Variants in VAV2 observed in about 807,000 individuals in gnomAD.
VAV2 encodes vav guanine nucleotide exchange factor 2.
VAV2 carries 67 observed loss-of-function variants against 132.5 expected under a neutral mutation model. The ratio of observed to expected loss-of-function variants is 0.51; its 90% confidence interval spans 0.42 to 0.62. The LOEUF is 0.62. Among genes scored for constraint, VAV2 ranks in the 20% least tolerant of loss-of-function variants. The pLI, the probability that VAV2 is intolerant of heterozygous loss-of-function variation, is 0.00. For synonymous variants in VAV2, 492 were observed against 443.5 expected (o/e 1.11, Z -1.37); for missense variants, 938 against 1,153.6 (o/e 0.81, Z 2.71).
intron 2 of VAV2, among the ~76,000 whole-genome samples, chr9:133,933,945 A>ATGG (rs56087569): frequency 0.86 from 106,997 of 125,078 alleles, 44,904 homozygotes; most frequent in East Asian, 0.92. Context: ...GGATGGATGG[A>ATGG]TGGATGGTGG....
At position 133,804,780 on chromosome 9, in the gene VAV2, G is replaced by A. The variant is rs992558853; in HGVS notation, c.836+1301C>T. ...CAGATGAAGGGAACACCTTGCTGAG[G>A]GCAGGTTAGGGAGCTGTCCTCCCCC... On this transcript the variant is annotated intron_variant, in intron 9 of 29. Coordinates refer to ENST00000371850, the MANE Select transcript of VAV2 (RefSeq NM_001134398.2). The surrounding 1 kb of genome is among the most constrained non-coding windows in gnomAD (Gnocchi z 4.5). Among the ~76,000 whole-genome samples, 1 of 152,168 alleles carries A rather than the reference G, an allele frequency of 6.6e-6. No homozygotes were observed. Among genetic ancestry groups the A allele is most frequent in the East Asian group, 1.9e-4 (1 of 5,196 alleles).
Position 133,769,894 on chromosome 9 carries a change from G to C in VAV2, c.2348-391C>G, listed in dbSNP as rs1309626121. On this transcript the variant is annotated intron_variant, in intron 27 of 29. Transcript: ENST00000371850. This position sits in a 1 kb window ranked among gnomAD's most constrained non-coding sequence, Gnocchi z 8.1. ...GGAGGACGTGGGGTGACTCTGGAGAGAGTCCTGAGCGGGAAGCCGCATGCT... is the reference window on the plus strand; with the variant it reads ...GGAGGACGTGGGGTGACTCTGGAGACAGTCCTGAGCGGGAAGCCGCATGCT... Among the ~76,000 whole-genome samples the C allele has an allele frequency of 6.6e-6, 1 of 152,222 alleles. No individual in the cohort carries two copies. Among genetic ancestry groups the C allele is most frequent in the Admixed American group, 6.5e-5 (1 of 15,290 alleles).
intron 1 of VAV2, among the ~76,000 whole-genome samples, chr9:133,984,514 G>C (rs1842791792): frequency 6.6e-6 from 1 of 152,138 alleles, no homozygotes; most frequent in Admixed American, 6.5e-5. Flanking sequence ...TTGGGAGGCT[G>C]TAGTGAAAGG....
At chr9:133,924,943 G>A (rs144160188) in intron 2 of VAV2, among the ~76,000 whole-genome samples, 66 of 152,366 alleles carry the variant, frequency 4.3e-4, no homozygotes, top group African/African-American at 1.5e-3. Context: ...GAAACTTCAC[G>A]CTCAGTGCAA....
intron 18 of VAV2, 56 bp downstream of exon 18, chr9:133,784,261 G>A: frequency 6.4e-7 from 1 of 1,563,342 alleles, no homozygotes; most frequent in East Asian, 2.2e-5. Context: ...AGCTCTCTCA[G>A]GGGCCTGGGC....
rs183661545 is a variant in VAV2, at chr9:133,780,325, G to C, written c.1740+369C>G. Reference sequence around the variant, plus strand: ...GGTTCATGTGGACCCCATAGCTCGAGGGGCACACGAAGCCCCTGGAAGTGA... The same window carrying C: ...GGTTCATGTGGACCCCATAGCTCGACGGGCACACGAAGCCCCTGGAAGTGA... On this transcript the variant is annotated intron_variant, in intron 20 of 29. Transcript: ENST00000371850. Among the ~76,000 whole-genome samples the C allele has an allele frequency of 1.7e-3, 264 of 152,280 alleles. 1 individual carries two copies. The highest frequency in any genetic ancestry group is 6.3e-3 in the African/African-American group (261 of 41,560).
At chr9:133,989,676 C>T (rs1248990696) in intron 1 of VAV2, among the ~76,000 whole-genome samples, 1 of 152,154 alleles carries the variant, frequency 6.6e-6, no homozygotes, top group Non-Finnish European at 1.5e-5. Flanking sequence ...CAGAGCAAGA[C>T]TCCATCTCCA....
intron 29 of VAV2, among the ~76,000 whole-genome samples, chr9:133,764,342 A>G (rs141492278): frequency 1.2e-3 from 183 of 152,282 alleles, no homozygotes; most frequent in Non-Finnish European, 2.0e-3. Context: ...GCTGCCAGTC[A>G]GAAAAAAAAT....
chr9:133,779,268 C>T (rs1833921300), intron 21 of VAV2, among the ~76,000 whole-genome samples: 1 of 152,210 alleles, frequency 6.6e-6, no homozygotes. Flanking sequence ...GGCCACAGAG[C>T]TCACAGAGGT....
chr9:133,972,840 C>T (rs939094102), intron 1 of VAV2, among the ~76,000 whole-genome samples: 2 of 151,644 alleles, frequency 1.3e-5, no homozygotes, highest in African/African-American at 4.9e-5. Flanking sequence ...GCAGGTGGCC[C>T]GAGATCTCAC....
At chr9:133,910,110 C>A (rs1371902662) in intron 2 of VAV2, among the ~76,000 whole-genome samples, 1 of 152,180 alleles carries the variant, frequency 6.6e-6, no homozygotes. Context: ...CAGCTTCCCC[C>A]ACCCCAGCCC....
At position 133,827,514 on chromosome 9, in the gene VAV2, T is replaced by C. The variant is rs868208861; in HGVS notation, c.449+6758A>G. Among the ~76,000 whole-genome samples the C allele has an allele frequency of 1.6e-3, 47 of 28,992 alleles. 8 individuals are homozygous for C. The highest frequency in any genetic ancestry group is 3.4e-3 in the African/African-American group (15 of 4,398). The allele number at this position is 28,992 out of a possible 152,430, so 19.0% of individuals were successfully genotyped here. A position where few individuals can be genotyped will look rare whatever the true frequency, so the allele number is the denominator to read the frequency against. ...GTGGGGGCATCGCCAGCTACTGCTGTGCCCACTGGGGCTGACCACTGAGCA... is the reference window on the plus strand; with the variant it reads ...GTGGGGGCATCGCCAGCTACTGCTGCGCCCACTGGGGCTGACCACTGAGCA... On this transcript the variant is annotated intron_variant, in intron 4 of 29. Transcript: ENST00000371850.
At chr9:133,781,575 C>T (rs765706036) in intron 19 of VAV2, among the ~76,000 whole-genome samples, 5 of 152,188 alleles carry the variant, frequency 3.3e-5, no homozygotes, top group South Asian at 4.1e-4. Context: ...AGCATCTCTC[C>T]GGGACATCTC....
At chr9:133,813,123 G>T (rs1440888144) in intron 4 of VAV2, among the ~76,000 whole-genome samples, 1 of 152,204 alleles carries the variant, frequency 6.6e-6, no homozygotes, top group African/African-American at 2.4e-5. Context: ...GCCCCGTTGG[G>T]GGCTCACTGC....
At chr9:133,861,236 G>T in intron 3 of VAV2, 138 bp downstream of exon 3, 2 of 908,890 alleles carry the variant, frequency 2.2e-6, no homozygotes, top group Non-Finnish European at 3.1e-6. Context: ...AACGGGTTAC[G>T]CGACAACACG....
chr9:133,844,539 T>TG (rs1262734791), intron 3 of VAV2, among the ~76,000 whole-genome samples: 3 of 152,250 alleles, frequency 2.0e-5, no homozygotes, highest in African/African-American at 7.2e-5. Flanking sequence ...CCCCAGTCCC[T>TG]GGCACGGCTG....
intron 1 of VAV2, among the ~76,000 whole-genome samples, chr9:133,973,723 T>C (rs572604764): frequency 6.6e-6 from 1 of 152,176 alleles, no homozygotes; most frequent in Non-Finnish European, 1.5e-5. Flanking sequence ...TCGCCCTTTG[T>C]CCCTGGGACA....
chr9:133,830,355 C>T (rs1223161228), intron 4 of VAV2, among the ~76,000 whole-genome samples: 1 of 152,120 alleles, frequency 6.6e-6, no homozygotes, highest in Non-Finnish European at 1.5e-5. Flanking sequence ...ACTGTAGTTC[C>T]CATAATCCCC....
intron 2 of VAV2, among the ~76,000 whole-genome samples, chr9:133,922,881 A>G (rs1840345535): frequency 6.6e-6 from 1 of 152,234 alleles, no homozygotes; most frequent in Non-Finnish European, 1.5e-5. Context: ...ACTTCTGCCC[A>G]GCAAAAGAAC....
Sources: gnomAD v4.1 joint callset for allele counts (sites outside exome capture counted in the v4.1 genomes callset) on GRCh38, gnomAD v4.1.1 for gene constraint, Gnocchi (gnomAD v3.1) non-coding constraint, MANE v1.5 for transcripts, NCBI Gene and HGNC (gene_info 2026-07-23, HGNC 2026-07-21) for gene names.